The following NEMF variants were observed in gnomAD, a reference collection of about 807,000 sequenced individuals.
NEMF encodes the protein nuclear export mediator factor.
A neutral mutation model predicts 162.2 loss-of-function variants in NEMF; 89 were observed. The observed-to-expected ratio is 0.55, with a 90% confidence interval of 0.46 to 0.65. The LOEUF (loss-of-function observed/expected upper bound fraction) is 0.65, where lower values mean the gene tolerates loss of function less well. Ranked by LOEUF, NEMF falls within the 30% of genes least tolerant of loss-of-function variation. The pLI, the probability that NEMF is intolerant of heterozygous loss-of-function variation, is 0.00. For missense variants in NEMF, 1,133 were observed against 1,261.9 expected (o/e 0.90, Z 1.55); for synonymous variants, 421 against 404.5 (o/e 1.04, Z -0.49).
chr14:49,785,312 T>A lies in NEMF; in HGVS notation c.2937A>T (p.Leu979=). 6.2e-7 allele frequency: 1 copy of A among 1,613,170 alleles called. No individual in the cohort carries two copies. Among genetic ancestry groups the A allele is most frequent in the Non-Finnish European group, 8.5e-7 (1 of 1,179,222 alleles). ...GTGGCTGGCCTGTCAAAGAATCAAA[T>A]AGGTTTTCCTAAAAAGGGAAAATAA... ...DLDQQGNEEN[L]FDSLTGQPHP... is the part of the protein sequence containing the mutation. Residue 979 remains leucine, a synonymous_variant, in exon 30 of 33, where the codon CTA becomes CTT. Coordinates refer to ENST00000298310, the MANE Select transcript of NEMF (RefSeq NM_004713.6).
chr14:49,789,181 G>A lies in NEMF; in HGVS notation c.2860C>T (p.Gln954Ter). Residue 954 changes from glutamine to a stop codon, truncating the protein, a stop_gained, in exon 28 of 33, where the codon CAA becomes TAA. Coordinates refer to ENST00000298310, the MANE Select transcript of NEMF (RefSeq NM_004713.6). LOFTEE classifies it high-confidence loss of function. ...TGTGGATCATCTACAGCAAAGTCTT[G>A]TAACTCATGAGTTATAACCTCAAGG... ...PFLEVITHEL[Q>*]DFAVDDPHDD... The A allele has an allele frequency of 6.2e-7, 1 of 1,613,952 alleles. No individual in the cohort carries two copies. The highest frequency in any genetic ancestry group is 8.5e-7 in the Non-Finnish European group (1 of 1,179,908).
chr14:49,823,686 G>A (rs894594432), intron 16 of NEMF, among the ~76,000 whole-genome samples: 12 of 152,046 alleles, frequency 7.9e-5, no homozygotes, highest in African/African-American at 1.9e-4. Flanking sequence ...AGTTTTTCAA[G>A]AACTATTTCC....
At chr14:49,832,008 A>C in intron 10 of NEMF, 43 bp downstream of exon 10, 1 of 1,367,270 alleles carries the variant, frequency 7.3e-7, no homozygotes, top group Non-Finnish European at 1.0e-6. Flanking sequence ...AACAGCTCAT[A>C]TCATGCTAAC....
intron 28 of NEMF, among the ~76,000 whole-genome samples, chr14:49,788,389 G>C (rs1316266210): frequency 6.6e-6 from 1 of 151,998 alleles, no homozygotes; most frequent in Admixed American, 6.6e-5. Context: ...ATCTTAGCTG[G>C]AAAAATACGA....
chr14:49,784,744 C>T (rs769813685), intron 32 of NEMF, 31 bp from the exon 33 acceptor site: 1 of 1,553,798 alleles, frequency 6.4e-7, no homozygotes, highest in South Asian at 1.1e-5. Flanking sequence ...AATATCTTCA[C>T]ATCCTGTATG....
chr14:49,790,967 T>C (rs898831579), intron 26 of NEMF, among the ~76,000 whole-genome samples: 2 of 150,734 alleles, frequency 1.3e-5, no homozygotes, highest in Non-Finnish European at 3.0e-5. Context: ...CACTCCAACC[T>C]GGGCAACAAG....
intron 16 of NEMF, among the ~76,000 whole-genome samples, chr14:49,822,291 A>T (rs865832078): frequency 9.2e-4 from 138 of 149,804 alleles, no homozygotes; most frequent in Middle Eastern, 6.8e-3. Context: ...ATCAATAAAA[A>T]AAAATAAAAT....
At chr14:49,827,892 A>G (rs1892441508) in intron 15 of NEMF, among the ~76,000 whole-genome samples, 3 of 152,196 alleles carry the variant, frequency 2.0e-5, no homozygotes, top group African/African-American at 4.8e-5. Flanking sequence ...GAGAGATCCA[A>G]TAAGAGGCTA....
chr14:49,784,832 A>G, intron 32 of NEMF, 93 bp downstream of exon 32: 1 of 1,403,422 alleles, frequency 7.1e-7, no homozygotes, highest in Non-Finnish European at 1.0e-6. Flanking sequence ...TGCTTCTAAT[A>G]AGACAGCATT....
chr14:49,782,138 ACTC>A lies in NEMF; in HGVS notation c.*2495_*2497del, dbSNP rs1429418379. 4.1e-6 allele frequency: 2 copies of A among 491,978 alleles called. No individual in the cohort carries two copies. The highest frequency in any genetic ancestry group is 7.2e-6 in the Non-Finnish European group (2 of 279,414). 30.5% of individuals were successfully genotyped at this position (491,978 alleles called of 1,614,324 possible). On this transcript the variant is annotated 3_prime_UTR_variant, in exon 33 of 33. Coordinates refer to ENST00000298310, the MANE Select transcript of NEMF (RefSeq NM_004713.6). ...CTAGAGAACAGATCGTTCAGTTCAA[ACTC>A]CTCATTGCATAAATGAGAACGACCA...
intron 4 of NEMF, among the ~76,000 whole-genome samples, chr14:49,845,352 G>A (rs374891799): frequency 2.0e-5 from 3 of 151,896 alleles, no homozygotes; most frequent in African/African-American, 4.8e-5. Flanking sequence ...CAGGTGATCC[G>A]CCCTCCTCGG....
At chr14:49,790,023 C>G (rs1311399721) in intron 26 of NEMF, among the ~76,000 whole-genome samples, 1 of 152,164 alleles carries the variant, frequency 6.6e-6, no homozygotes, top group Non-Finnish European at 1.5e-5. Context: ...ATTCTTTACC[C>G]TGATTACATC....
chr14:49,833,502 G>C lies in NEMF; in HGVS notation c.662-6C>G, dbSNP rs373922310. The C allele has an allele frequency of 2.1e-5, 33 of 1,552,350 alleles. No homozygotes were observed. In the African/African-American group the frequency reaches 4.2e-4, roughly 20 times the overall value. On this transcript the variant is annotated splice_region_variant and splice_polypyrimidine_tract_variant and intron_variant, in intron 7 of 32. Transcript: ENST00000298310. Reference sequence around the variant, plus strand: ...AACAAGTACTTTTTCAATATCTAATGGTGGGGGAAAAAAAGGAAAAAAGGA... The same window carrying C: ...AACAAGTACTTTTTCAATATCTAATCGTGGGGGAAAAAAAGGAAAAAAGGA...
intron 4 of NEMF, among the ~76,000 whole-genome samples, chr14:49,843,885 G>A (rs575593480): frequency 6.6e-6 from 1 of 152,316 alleles, no homozygotes; most frequent in African/African-American, 2.4e-5. Flanking sequence ...GATCACCTGA[G>A]GTCAGGAGTT....
chr14:49,815,029 A>G lies in NEMF; in HGVS notation c.1578-172T>C, dbSNP rs368504315. Among the ~76,000 whole-genome samples, 6 of 152,310 alleles carry G rather than the reference A, an allele frequency of 3.9e-5. 1 individual carries two copies. The highest frequency in any genetic ancestry group is 1.4e-4 in the African/African-American group (6 of 41,584). On this transcript the variant is annotated intron_variant, in intron 16 of 32. Coordinates refer to ENST00000298310, the MANE Select transcript of NEMF (RefSeq NM_004713.6). ...CCTATAATACAAATTGCCCTAGGAT[A>G]TTCTTTAGACAGTCTTAGAAAAAAG... is the stretch of plus-strand genomic sequence containing the variant.
Position 49,802,472 on chromosome 14 carries a change from T to G in NEMF, c.2076A>C (p.Ser692=), listed in dbSNP as rs1477635396. 6.2e-7 allele frequency: 1 copy of G among 1,613,408 alleles called. No individual in the cohort carries two copies. Among genetic ancestry groups the G allele is most frequent in the South Asian group, 1.1e-5 (1 of 90,840 alleles). The part of the protein sequence containing the change: ...TLASCTSELI[S]EEMEQLDGGD... ...AACTACCTAATTGTTCCATTTCTTC[T>G]GATATGAGTTCACTTGTACAACTTG... Residue 692 remains serine (S), a synonymous_variant, in exon 22 of 33, where the codon TCA becomes TCC. Coordinates refer to ENST00000298310, the MANE Select transcript of NEMF (RefSeq NM_004713.6).
At chr14:49,794,317 C>T (rs181080768) in intron 26 of NEMF, among the ~76,000 whole-genome samples, 2 of 152,288 alleles carry the variant, frequency 1.3e-5, no homozygotes, top group Non-Finnish European at 2.9e-5. Flanking sequence ...GTTGAATTTA[C>T]ATATGAGGGG....
chr14:49,811,957 C>T (rs3126192), intron 18 of NEMF, among the ~76,000 whole-genome samples: 151,669 of 152,306 alleles, frequency 1, 75,520 homozygotes, highest in Middle Eastern at 1. Flanking sequence ...AGTGTTCCCA[C>T]TGATCCTATT....
rs545629049 is a variant in NEMF at position 49,829,164 on chromosome 14, A to G, written c.1122T>C (p.Asp374=). ...TCACAATTAACCCAATTTCTGTCCA[A>G]TCTATCTGGTTAGCTAAAGCACTTC... is the stretch of plus-strand genomic sequence containing the variant. ...VVRSALANQI[D]WTEIGLIVKE... The change falls in exon 13 of 33, where the codon GAT becomes GAC. Residue 374 remains aspartate (D), a synonymous_variant. Coordinates refer to ENST00000298310, the MANE Select transcript of NEMF (RefSeq NM_004713.6). 3 of 1,614,130 alleles carry G rather than the reference A, an allele frequency of 1.9e-6. No individual in the cohort carries two copies. Among genetic ancestry groups the G allele is most frequent in the Admixed American group, 1.7e-5 (1 of 60,024 alleles).
Sources: gnomAD v4.1 joint callset for allele counts (sites outside exome capture counted in the v4.1 genomes callset) on GRCh38, gnomAD v4.1.1 for gene constraint, MANE v1.5 for transcripts, NCBI Gene and HGNC (gene_info 2026-07-23, HGNC 2026-07-21) for gene names.